The following ZHX2 variants were observed in gnomAD, a reference collection of about 807,000 sequenced individuals.
The protein encoded by ZHX2 is zinc fingers and homeoboxes 2.
Under a neutral mutation model 21.9 loss-of-function variants are expected in ZHX2, and 6 were observed. The ratio of observed to expected loss-of-function variants is 0.27; its 90% confidence interval spans 0.15 to 0.54. The LOEUF is 0.54. Ranked by LOEUF, ZHX2 falls within the 20% of genes least tolerant of loss-of-function variation. The pLI is 0.95. For synonymous variants in ZHX2, 434 were observed against 437.1 expected (o/e 0.99, Z 0.09); for missense variants, 908 against 1,090.7 (o/e 0.83, Z 2.36).
intron 1 of ZHX2, among the ~76,000 whole-genome samples, chr8:122,820,501 A>T (rs1818122013): frequency 6.6e-6 from 1 of 152,172 alleles, no homozygotes; most frequent in Admixed American, 6.5e-5. Flanking sequence ...CTGTCACTGG[A>T]GAGTTGACAG....
intron 1 of ZHX2, among the ~76,000 whole-genome samples, chr8:122,801,362 G>T (rs1464399048): frequency 2.6e-5 from 4 of 152,148 alleles, no homozygotes; most frequent in African/African-American, 9.7e-5. Flanking sequence ...GTTAGGACTT[G>T]ACAACTGTCC....
At chr8:122,885,309 T>C (rs1819814128) in intron 2 of ZHX2, among the ~76,000 whole-genome samples, 1 of 152,192 alleles carries the variant, frequency 6.6e-6, no homozygotes, top group South Asian at 2.1e-4. Context: ...CTCATCAAGA[T>C]GTTGCATTTG....
rs181803768 is a variant in ZHX2 at position 122,923,127 on chromosome 8, G to A, written c.-219-28165G>A. On this transcript the variant is annotated intron_variant, in intron 2 of 3. Coordinates refer to ENST00000314393, the MANE Select transcript of ZHX2 (RefSeq NM_014943.5). The stretch of plus-strand genomic sequence containing the variant: ...ACATTCCTGGTTGATATCTTGGGTC[G>A]GCCTCTGTTCTGGTGAACTATTGCT... Among the ~76,000 whole-genome samples the A allele has an allele frequency of 7.0e-4, 106 of 152,310 alleles. 1 individual carries two copies. The highest frequency in any genetic ancestry group is 6.8e-4 in the Non-Finnish European group (46 of 68,034).
intron 2 of ZHX2, among the ~76,000 whole-genome samples, chr8:122,890,921 C>T (rs1819959451): frequency 1.3e-5 from 2 of 152,022 alleles, no homozygotes; most frequent in Non-Finnish European, 2.9e-5. Context: ...ATTTTACATC[C>T]TCCTTTCCCA....
intron 2 of ZHX2, among the ~76,000 whole-genome samples, chr8:122,865,900 G>A (rs1395124735): frequency 1.3e-5 from 2 of 152,184 alleles, no homozygotes; most frequent in Admixed American, 1.3e-4. Flanking sequence ...ATCCCCACCG[G>A]TTAGCACATC....
chr8:122,915,258 C>A (rs34049478), intron 2 of ZHX2, among the ~76,000 whole-genome samples: 1 of 152,068 alleles, frequency 6.6e-6, no homozygotes, highest in Admixed American at 6.5e-5. Context: ...CATGTGGATG[C>A]CTTCCCAGAG....
chr8:122,964,959 T>C (rs762325145), intron 3 of ZHX2, among the ~76,000 whole-genome samples: 1 of 151,986 alleles, frequency 6.6e-6, no homozygotes, highest in Non-Finnish European at 1.5e-5. Context: ...GAATATCTTT[T>C]GTATTTCTAT....
chr8:122,930,674 G>A (rs1297746217), intron 2 of ZHX2, among the ~76,000 whole-genome samples: 4 of 149,772 alleles, frequency 2.7e-5, no homozygotes, highest in African/African-American at 9.8e-5. Context: ...TTTTTCAGTA[G>A]AGATGGGGTT....
At chr8:122,863,793 T>C (rs1302315132) in intron 2 of ZHX2, among the ~76,000 whole-genome samples, 1 of 152,148 alleles carries the variant, frequency 6.6e-6, no homozygotes, top group Non-Finnish European at 1.5e-5. Context: ...GCTCTGATGA[T>C]AGCAGCCCAG....
chr8:122,873,267 C>T (rs1017119966), intron 2 of ZHX2, among the ~76,000 whole-genome samples: 1 of 152,238 alleles, frequency 6.6e-6, no homozygotes, highest in African/African-American at 2.4e-5. Flanking sequence ...GCCTTTGTGG[C>T]CCAGAACACA....
chr8:122,969,843 G>C (rs996283695), intron 3 of ZHX2, among the ~76,000 whole-genome samples: 1 of 152,132 alleles, frequency 6.6e-6, no homozygotes, highest in East Asian at 1.9e-4. Context: ...AAGTTCTCCT[G>C]GGAAAATTAA....
Position 122,953,856 on chromosome 8 carries a change from C to A in ZHX2, c.2346C>A (p.Ser782Arg), listed in dbSNP as rs754593942. Residue 782 changes from serine (S) to arginine (R), a missense_variant, in exon 3 of 4, where the codon AGC (serine) becomes AGA (arginine). This residue lies in a region of ZHX2 where 431 missense variants were observed against 428.6 expected (regional missense o/e 1.01). Transcript: ENST00000314393. This position sits in a 1 kb window ranked among gnomAD's most constrained non-coding sequence, Gnocchi z 4.6. ...SEGSSRDGQG[S>R]DENEESSVVD... Reference sequence around the variant, plus strand: ...GCAGCAGCCGGGACGGCCAGGGTAGCGACGAGAACGAGGAGTCGAGCGTTG... The same window carrying A: ...GCAGCAGCCGGGACGGCCAGGGTAGAGACGAGAACGAGGAGTCGAGCGTTG... The A allele has an allele frequency of 1.9e-6, 3 of 1,614,132 alleles. No homozygotes were observed. Among genetic ancestry groups the A allele is most frequent in the Admixed American group, 3.3e-5 (2 of 60,020 alleles).
intron 1 of ZHX2, among the ~76,000 whole-genome samples, chr8:122,847,195 G>T (rs1294298916): frequency 6.6e-6 from 1 of 152,132 alleles, no homozygotes; most frequent in Non-Finnish European, 1.5e-5. Flanking sequence ...TCCTGCCAGG[G>T]CTGGGTCCTT....
chr8:122,953,068 C>A lies in ZHX2; in HGVS notation c.1558C>A (p.Arg520Ser). 6.2e-7 allele frequency: 1 copy of A among 1,613,996 alleles called. No individual in the cohort carries two copies. Among genetic ancestry groups the A allele is most frequent in the South Asian group, 1.1e-5 (1 of 91,052 alleles). ...QLAIAASRHG[R>S]TYHAYPDFAP... The stretch of plus-strand genomic sequence containing the variant: ...GGCCATCGCGGCCTCCCGACACGGT[C>A]GCACGTATCATGCGTACCCAGACTT... The change falls in exon 3 of 4, where the codon CGC (arginine) becomes AGC (serine). Residue 520 changes from arginine (R) to serine (S), a missense_variant. Physicochemically the swap from Arg to Ser is moderately radical, Grantham distance 110. This residue lies in a region of ZHX2 where 431 missense variants were observed against 428.6 expected (regional missense o/e 1.01). Transcript: ENST00000314393. The surrounding 1 kb of genome is among the most constrained non-coding windows in gnomAD (Gnocchi z 4.6).
At chr8:122,809,516 A>AT (rs1554623851) in intron 1 of ZHX2, among the ~76,000 whole-genome samples, 1 of 152,078 alleles carries the variant, frequency 6.6e-6, no homozygotes, top group Non-Finnish European at 1.5e-5. Flanking sequence ...ACAAAAAAAA[A>AT]GAGAGAAAGG....
At chr8:122,833,954 G>A (rs1469095402) in intron 1 of ZHX2, among the ~76,000 whole-genome samples, 1 of 150,954 alleles carries the variant, frequency 6.6e-6, no homozygotes, top group East Asian at 2.0e-4. Context: ...CTGAGATCGC[G>A]CCACTGCACT....
chr8:122,810,445 G>A (rs2130604056), intron 1 of ZHX2: 2 of 152,328 alleles, frequency 1.3e-5, no homozygotes, highest in Admixed American at 1.3e-4. Flanking sequence ...GAACATGTTG[G>A]ATGATAGATA....
intron 3 of ZHX2, 27 bp downstream of exon 3, chr8:122,954,055 C>T (rs775141743): frequency 6.5e-7 from 1 of 1,537,356 alleles, no homozygotes; most frequent in Non-Finnish European, 8.8e-7. Context: ...ACCCAGGCAG[C>T]AGGGGAGAAC....
At chr8:122,938,244 G>C (rs1812756164) in intron 2 of ZHX2, among the ~76,000 whole-genome samples, 1 of 152,038 alleles carries the variant, frequency 6.6e-6, no homozygotes. Flanking sequence ...ATGTTTCCTG[G>C]TTTTCATGAA....
Sources: gnomAD v4.1 joint callset for allele counts (sites outside exome capture counted in the v4.1 genomes callset) on GRCh38, gnomAD v4.1.1 for gene constraint, gnomAD v4.1.1 regional missense constraint, Gnocchi (gnomAD v3.1) non-coding constraint, MANE v1.5 for transcripts, NCBI Gene and HGNC (gene_info 2026-07-23, HGNC 2026-07-21) for gene names.